The following TRAPPC9 variants were observed in gnomAD, a reference collection of about 807,000 sequenced individuals.
TRAPPC9 encodes the protein IKK2 binding protein.
TRAPPC9 carries 83 observed loss-of-function variants against 124.0 expected under a neutral mutation model. That is an observed-to-expected ratio of 0.67 (90% CI 0.56 to 0.80). TRAPPC9 has a LOEUF of 0.80. Among genes scored for constraint, TRAPPC9 ranks in the 30% least tolerant of loss-of-function variants. TRAPPC9 has a pLI of 0.00. For synonymous variants in TRAPPC9, 638 were observed against 617.5 expected (o/e 1.03, Z -0.49); for missense variants, 1,302 against 1,508.3 (o/e 0.86, Z 2.27).
At chr8:140,337,809 A>ACCCTCAGG (rs1461976959) in intron 9 of TRAPPC9, among the ~76,000 whole-genome samples, 1 of 151,984 alleles carries the variant, frequency 6.6e-6, no homozygotes, top group Non-Finnish European at 1.5e-5. Flanking sequence ...TGCGAGATGA[A>ACCCTCAGG]CCCTCAGGCC....
chr8:140,055,188 T>C (rs1163618022), intron 17 of TRAPPC9, among the ~76,000 whole-genome samples: 1 of 152,214 alleles, frequency 6.6e-6, no homozygotes, highest in Non-Finnish European at 1.5e-5. Flanking sequence ...AAGTGAGATT[T>C]ATCTCTGGAT....
At position 139,815,257 on chromosome 8, in the gene TRAPPC9, A is replaced by C. The variant is rs556722802; in HGVS notation, c.3055+70622T>G. 7.9e-5 allele frequency among the ~76,000 whole-genome samples: 12 copies of C among 152,346 alleles called. No homozygotes were observed. The East Asian group carries it at 1.4e-3, about 17-fold the overall frequency. On this transcript the variant is annotated intron_variant, in intron 21 of 22. Transcript: ENST00000438773. Reference sequence around the variant, plus strand: ...CCCTGCCCGCCTTCCCTGTGGCAGAAGGTGCGTGTCATCCTCTCTTACTGG... The same window carrying C: ...CCCTGCCCGCCTTCCCTGTGGCAGACGGTGCGTGTCATCCTCTCTTACTGG...
intron 17 of TRAPPC9, among the ~76,000 whole-genome samples, chr8:140,068,490 C>T (rs898404658): frequency 2.0e-5 from 3 of 152,156 alleles, no homozygotes; most frequent in Non-Finnish European, 4.4e-5. Flanking sequence ...GACCTTCACT[C>T]AGGAATTTTA....
At position 140,055,034 on chromosome 8, in the gene TRAPPC9, A is replaced by G. The variant is rs929817307; in HGVS notation, c.2557-30955T>C. Among the ~76,000 whole-genome samples the G allele has an allele frequency of 2.0e-5, 3 of 152,214 alleles. No individual in the cohort carries two copies. The South Asian group carries it at 6.2e-4, about 32-fold the overall frequency. On this transcript the variant is annotated intron_variant, in intron 17 of 22. Transcript: ENST00000438773. Reference sequence around the variant, plus strand: ...AGCTGAAGAGGAGGGAACACTTCCAAACAAATTTTAGGAGGCCAGCATTAT... The same window carrying G: ...AGCTGAAGAGGAGGGAACACTTCCAGACAAATTTTAGGAGGCCAGCATTAT...
At chr8:140,222,539 C>T (rs141196595) in intron 16 of TRAPPC9, among the ~76,000 whole-genome samples, 59 of 152,248 alleles carry the variant, frequency 3.9e-4, no homozygotes, top group Non-Finnish European at 4.4e-4. Context: ...CCACACAGCT[C>T]GCAGAGTCTC....
At chr8:140,132,281 T>G (rs1473669445) in intron 17 of TRAPPC9, among the ~76,000 whole-genome samples, 2 of 152,266 alleles carry the variant, frequency 1.3e-5, no homozygotes, top group South Asian at 2.1e-4. Flanking sequence ...TTGTAAGAAG[T>G]GTTTATACTC....
Position 139,857,959 on chromosome 8 carries a change from T to C in TRAPPC9, c.3055+27920A>G, listed in dbSNP as rs545564310. ...CTCAACATCAGGGCCTTCCCAGTTGTCCACTGTGGATAAACATCTGGCAGT... is the reference window on the plus strand; with the variant it reads ...CTCAACATCAGGGCCTTCCCAGTTGCCCACTGTGGATAAACATCTGGCAGT... On this transcript the variant is annotated intron_variant, in intron 21 of 22. Coordinates refer to ENST00000438773, the MANE Select transcript of TRAPPC9 (RefSeq NM_001160372.4). Among the ~76,000 whole-genome samples the C allele has an allele frequency of 1.1e-3, 160 of 152,260 alleles. 1 individual carries two copies. The highest frequency in any genetic ancestry group is 3.8e-3 in the African/African-American group (158 of 41,562).
intron 17 of TRAPPC9, among the ~76,000 whole-genome samples, chr8:140,078,713 G>C (rs1843647785): frequency 6.6e-6 from 1 of 152,150 alleles, no homozygotes; most frequent in Non-Finnish European, 1.5e-5. Context: ...CAGGAACTGA[G>C]AGGATGTCAC....
intron 17 of TRAPPC9, among the ~76,000 whole-genome samples, chr8:140,115,946 A>G (rs2060877827): frequency 6.6e-6 from 1 of 152,210 alleles, no homozygotes; most frequent in Admixed American, 6.5e-5. Flanking sequence ...GGTGCGGATT[A>G]TGATTATTAC....
chr8:140,436,609 C>A (rs2070822980), intron 3 of TRAPPC9, among the ~76,000 whole-genome samples: 1 of 152,168 alleles, frequency 6.6e-6, no homozygotes, highest in Non-Finnish European at 1.5e-5. Context: ...AAGAGGCCCA[C>A]GGCACACAGC....
chr8:139,990,156 T>C (rs1837531989), intron 18 of TRAPPC9, among the ~76,000 whole-genome samples: 1 of 152,154 alleles, frequency 6.6e-6, no homozygotes, highest in Non-Finnish European at 1.5e-5. Flanking sequence ...AGGCAAGGCT[T>C]TGCTGGCTGT....
chr8:140,023,644 G>C (rs1444804246), intron 18 of TRAPPC9, among the ~76,000 whole-genome samples: 1 of 152,324 alleles, frequency 6.6e-6, no homozygotes, highest in South Asian at 2.1e-4. Flanking sequence ...AGGCTGGGCG[G>C]GAAATGTGTG....
rs192799796 is a variant in TRAPPC9 at position 139,975,155 on chromosome 8, G to A, written c.2810+13571C>T. Among the ~76,000 whole-genome samples, 4 of 152,200 alleles carry A rather than the reference G, an allele frequency of 2.6e-5. No homozygotes were observed. The East Asian group carries it at 7.7e-4, about 29-fold the overall frequency. ...TTCACTAGAGGCCAATGAAAACAAG[G>A]ACTGCCCTAGACGAGACTTTCCACC... is the stretch of plus-strand genomic sequence containing the variant. On this transcript the variant is annotated intron_variant, in intron 19 of 22. Transcript: ENST00000438773.
chr8:140,314,998 T>G (rs971411879), intron 9 of TRAPPC9, among the ~76,000 whole-genome samples: 2 of 152,220 alleles, frequency 1.3e-5, no homozygotes, highest in African/African-American at 4.8e-5. Context: ...TTTTTAAGTT[T>G]TTTGAGGAAC....
chr8:140,034,342 C>A (rs191185669), intron 17 of TRAPPC9, among the ~76,000 whole-genome samples: 19 of 152,340 alleles, frequency 1.2e-4, no homozygotes, highest in Non-Finnish European at 2.1e-4. Context: ...TCCCTCACCT[C>A]TCCACCCTAC....
chr8:140,402,520 C>T (rs2069314011), intron 6 of TRAPPC9, among the ~76,000 whole-genome samples: 1 of 151,850 alleles, frequency 6.6e-6, no homozygotes, highest in Non-Finnish European at 1.5e-5. Context: ...ATGGTAAAAC[C>T]CCATCTCTAC....
Position 140,155,492 on chromosome 8 carries a change from G to A in TRAPPC9, c.2556+65967C>T, listed in dbSNP as rs142188079. On this transcript the variant is annotated intron_variant, in intron 17 of 22. Transcript: ENST00000438773. The stretch of plus-strand genomic sequence containing the variant: ...GTTGAACACCTGTTACATGAAAGCC[G>A]GGAACAAGGGAAAGAGATGCAGAGA... 1.1e-4 allele frequency among the ~76,000 whole-genome samples: 17 copies of A among 152,274 alleles called. No individual in the cohort carries two copies. In the East Asian group the frequency reaches 2.3e-3, roughly 21 times the overall value.
intron 17 of TRAPPC9, among the ~76,000 whole-genome samples, chr8:140,154,420 G>A (rs1460773877): frequency 6.6e-6 from 1 of 152,132 alleles, no homozygotes; most frequent in Non-Finnish European, 1.5e-5. Context: ...AGCAGCTGGG[G>A]TGCAAATCTC....
intron 21 of TRAPPC9, among the ~76,000 whole-genome samples, chr8:139,855,009 G>A (rs909122750): frequency 6.6e-6 from 1 of 152,170 alleles, no homozygotes; most frequent in East Asian, 1.9e-4. Flanking sequence ...TTCATTCAAA[G>A]CTGGCACGGT....
Sources: gnomAD v4.1 joint callset for allele counts (sites outside exome capture counted in the v4.1 genomes callset) on GRCh38, gnomAD v4.1.1 for gene constraint, MANE v1.5 for transcripts, NCBI Gene and HGNC (gene_info 2026-07-23, HGNC 2026-07-21) for gene names.